The following ITGBL1 variants were observed in gnomAD, a reference collection of about 807,000 sequenced individuals.
ITGBL1 encodes the protein integrin beta-like protein 1.
ITGBL1 carries 51 observed loss-of-function variants against 68.5 expected under a neutral mutation model. The ratio of observed to expected loss-of-function variants is 0.74; its 90% confidence interval spans 0.59 to 0.94. The LOEUF is 0.94. Ranked by LOEUF, ITGBL1 falls within the 40% of genes least tolerant of loss-of-function variation. ITGBL1 has a pLI of 0.00. For missense variants in ITGBL1, 649 were observed against 647.4 expected, an observed-to-expected ratio of 1.00 and a Z score of -0.03; for synonymous variants, 209 against 227.3, an observed-to-expected ratio of 0.92 and a Z score of 0.72.
intron 2 of ITGBL1, among the ~76,000 whole-genome samples, chr13:101,493,013 G>A (rs1297365368): frequency 1.3e-5 from 2 of 152,192 alleles, no homozygotes; most frequent in Non-Finnish European, 2.9e-5. Flanking sequence ...TGTTAAGCAT[G>A]TAGTAGATGT....
chr13:101,528,369 C>T (rs2049415999), intron 2 of ITGBL1, among the ~76,000 whole-genome samples: 1 of 151,644 alleles, frequency 6.6e-6, no homozygotes, highest in African/African-American at 2.4e-5. Flanking sequence ...GTGTTTTTAA[C>T]ATAAATGTTT....
At position 101,558,020 on chromosome 13, in the gene ITGBL1, C is replaced by T. The variant is rs184581038; in HGVS notation, c.317-9679C>T. On this transcript the variant is annotated intron_variant, in intron 2 of 10. Coordinates refer to ENST00000376180, the MANE Select transcript of ITGBL1 (RefSeq NM_004791.3). ...AGGAGAATTGCTTGAATTCGGGAGG[C>T]GGAGGTTGCAGTGAGCCGAGATCGC... 1.6e-3 allele frequency among the ~76,000 whole-genome samples: 193 copies of T among 122,620 alleles called. 1 individual carries two copies. Among genetic ancestry groups the T allele is most frequent in the Middle Eastern group, 0.012 (2 of 172 alleles). 80.4% of individuals were successfully genotyped at this position (122,620 alleles called of 152,430 possible).
intron 2 of ITGBL1, among the ~76,000 whole-genome samples, chr13:101,484,604 A>G (rs919153990): frequency 3.3e-5 from 5 of 152,158 alleles, no homozygotes; most frequent in Non-Finnish European, 7.4e-5. Context: ...TTATTTGTAT[A>G]AATTTTAGGA....
downstream of ITGBL1, chr13:101,720,544 GTGTGTGTGTGTGTGTGTGTGTA>G (rs2034901918): frequency 6.6e-6 from 1 of 150,578 alleles, no homozygotes; most frequent in Non-Finnish European, 1.5e-5. Context: ...GTGTGTGTGT[GTGTGTGTGTGTGTGTGTGTGTA>G]TATGTGTGTG....
chr13:101,475,216 C>T (rs561160277), intron 2 of ITGBL1, among the ~76,000 whole-genome samples: 1 of 152,062 alleles, frequency 6.6e-6, no homozygotes, highest in South Asian at 2.1e-4. Context: ...ATTCAGAATT[C>T]TATCAGATAA....
intron 2 of ITGBL1, among the ~76,000 whole-genome samples, chr13:101,471,994 T>A (rs2048467916): frequency 7.4e-6 from 1 of 135,234 alleles, no homozygotes; most frequent in South Asian, 2.4e-4. Flanking sequence ...TTTATTTTTA[T>A]TTTAAGTATA....
intron 1 of ITGBL1, 74 bp downstream of exon 1, chr13:101,453,005 T>TTAGGGCA: frequency 8.1e-7 from 1 of 1,233,206 alleles, no homozygotes; most frequent in Non-Finnish European, 1.2e-6. Flanking sequence ...GCAGGATGGC[T>TTAGGGCA]GCCCTAAGCC....
chr13:101,620,463 G>A (rs7338631), intron 7 of ITGBL1, among the ~76,000 whole-genome samples: 122 of 152,048 alleles, frequency 8.0e-4, no homozygotes, highest in Admixed American at 2.5e-3. Context: ...CTTAAATGTG[G>A]GCTGAGCATT....
intron 7 of ITGBL1, among the ~76,000 whole-genome samples, chr13:101,625,033 G>A (rs186450859): frequency 1.3e-5 from 2 of 152,266 alleles, no homozygotes; most frequent in East Asian, 1.9e-4. Context: ...GTTCCCTGCC[G>A]GTAGATAAAT....
intron 3 of ITGBL1, among the ~76,000 whole-genome samples, chr13:101,572,451 A>C (rs1206826507): frequency 1.3e-5 from 2 of 152,108 alleles, no homozygotes; most frequent in African/African-American, 2.4e-5. Context: ...GCTGGTGTAC[A>C]TGTCTGGTCA....
At chr13:101,687,033 T>A (rs1594980580) in intron 7 of ITGBL1, among the ~76,000 whole-genome samples, 1 of 152,234 alleles carries the variant, frequency 6.6e-6, no homozygotes, top group East Asian at 1.9e-4. Flanking sequence ...ACCTTTTAGT[T>A]TTATACTAGT....
rs531448052 is a variant in ITGBL1 at position 101,692,659 on chromosome 13, G to T, written c.1090G>T (p.Asp364Tyr). 2 of 1,613,808 alleles carry T rather than the reference G, an allele frequency of 1.2e-6. No individual in the cohort carries two copies. Among genetic ancestry groups the T allele is most frequent in the Middle Eastern group, 1.7e-4 (1 of 6,032 alleles). Residue 364 changes from aspartate (D) to tyrosine (Y), a missense_variant, in exon 8 of 11, where the codon GAT becomes TAT. By Grantham distance (160) the Asp-to-Tyr change is radical. Transcript: ENST00000376180. The part of the protein sequence containing the change: ...RRVYGKTCEC[D>Y]DRRCEDLDGV... ...GGTGTATGGCAAGACTTGTGAGTGT[G>T]ATGATCGCCGCTGTGAAGACCTCGA...
At chr13:101,472,778 A>C (rs902187523) in intron 2 of ITGBL1, among the ~76,000 whole-genome samples, 13 of 152,100 alleles carry the variant, frequency 8.5e-5, no homozygotes, top group Admixed American at 6.5e-4. Flanking sequence ...ATAAAGTTTC[A>C]TCAATTTTGA....
At chr13:101,537,151 T>A (rs1460416868) in intron 2 of ITGBL1, among the ~76,000 whole-genome samples, 9 of 152,034 alleles carry the variant, frequency 5.9e-5, no homozygotes, top group Admixed American at 1.3e-4. Context: ...CTGAGACATG[T>A]GAAATTCATC....
intron 7 of ITGBL1, among the ~76,000 whole-genome samples, chr13:101,647,614 AT>A (rs2032604154): frequency 6.6e-6 from 1 of 152,238 alleles, no homozygotes; most frequent in South Asian, 2.1e-4. Context: ...CATTTGCTGA[AT>A]TTTACCCTGT....
intron 8 of ITGBL1, among the ~76,000 whole-genome samples, chr13:101,695,069 G>C (rs999533379): frequency 1.3e-5 from 2 of 152,208 alleles, no homozygotes; most frequent in African/African-American, 4.8e-5. Flanking sequence ...ATGAAAAGGA[G>C]CTGAGTGATC....
intron 3 of ITGBL1, among the ~76,000 whole-genome samples, chr13:101,574,030 G>A (rs2050314894): frequency 2.0e-5 from 3 of 152,084 alleles, no homozygotes; most frequent in South Asian, 4.2e-4. Context: ...ATCCACTTTT[G>A]CCTCATTTCA....
chr13:101,466,865 C>G (rs1424559111), intron 2 of ITGBL1, among the ~76,000 whole-genome samples: 4 of 152,122 alleles, frequency 2.6e-5, no homozygotes, highest in African/African-American at 9.7e-5. Flanking sequence ...GAATTTGTTG[C>G]AGGGTAGATG....
intron 7 of ITGBL1, among the ~76,000 whole-genome samples, chr13:101,678,596 T>G (rs111780288): frequency 0.17 from 24,934 of 150,824 alleles, 2,660 homozygotes; most frequent in Admixed American, 0.26. Flanking sequence ...GCCTCCTGGG[T>G]TCATGCAGTT....
Sources: gnomAD v4.1 joint callset for allele counts (sites outside exome capture counted in the v4.1 genomes callset) on GRCh38, gnomAD v4.1.1 for gene constraint, MANE v1.5 for transcripts, NCBI Gene and HGNC (gene_info 2026-07-23, HGNC 2026-07-21) for gene names.